The following FAM200B variants were observed in gnomAD, a reference collection of about 807,000 sequenced individuals.
FAM200B encodes zinc finger BED-type containing 11.
Under a neutral mutation model 33.1 loss-of-function variants are expected in FAM200B, and 32 were observed. That is an observed-to-expected ratio of 0.97 (90% CI 0.73 to 1.30). The LOEUF (loss-of-function observed/expected upper bound fraction) is 1.30, where lower values mean the gene tolerates loss of function less well. Among genes scored for constraint, FAM200B ranks in the 50% most tolerant of loss-of-function variants. The probability of loss-of-function intolerance (pLI) is 0.00; values close to 1 mark genes in which losing one functional copy is unlikely to be tolerated. For synonymous variants in FAM200B, 240 were observed against 264.8 expected, an observed-to-expected ratio of 0.91 and a Z score of 0.91; for missense variants, 741 against 754.0, an observed-to-expected ratio of 0.98 and a Z score of 0.20.
the FAM200B span, among the ~76,000 whole-genome samples, chr4:15,675,572 ATTTTTTTT>A: frequency 6.6e-4 from 64 of 96,684 alleles, no homozygotes; most frequent in African/African-American, 2.3e-3. Flanking sequence ...CAAAACTCCT[ATTTTTTTT>A]TTTTTTTTTT....
At chr4:15,643,366 C>A in the FAM200B span, among the ~76,000 whole-genome samples, 1 of 152,216 alleles carries the variant, frequency 6.6e-6, no homozygotes, top group Non-Finnish European at 1.5e-5. Flanking sequence ...TAAGCTTACG[C>A]TTCACCAAGC....
At chr4:15,660,355 T>C in the FAM200B span, among the ~76,000 whole-genome samples, 1 of 152,112 alleles carries the variant, frequency 6.6e-6, no homozygotes, top group Non-Finnish European at 1.5e-5. Flanking sequence ...GCACTGGGAT[T>C]ACAGGCATGA....
chr4:15,650,613 T>C, the FAM200B span, among the ~76,000 whole-genome samples: 1 of 150,452 alleles, frequency 6.6e-6, no homozygotes, highest in African/African-American at 2.4e-5. Flanking sequence ...AATTAACAAA[T>C]AGTAACATGA....
chr4:15,686,544 A>T lies in FAM200B; in HGVS notation c.-434A>T. 6.5e-6 allele frequency: 1 copy of T among 153,616 alleles called. No homozygotes were observed. The highest frequency in any genetic ancestry group is 1.9e-4 in the East Asian group (1 of 5,220). The allele number at this position is 153,616 out of a possible 1,614,324, so 9.5% of individuals were successfully genotyped here. On this transcript the variant is annotated 5_prime_UTR_variant, in exon 2 of 2. Coordinates refer to ENST00000422728, the MANE Select transcript of FAM200B (RefSeq NM_001145191.2). ...GTGAGACCCATTAGTGAGGCATGAA[A>T]TCAATTCTGTGAGTCACAATGAACA...
chr4:15,678,644 G>C (rs1718081992), upstream of FAM200B, among the ~76,000 whole-genome samples: 1 of 152,136 alleles, frequency 6.6e-6, no homozygotes, highest in Admixed American at 6.5e-5. Flanking sequence ...TTCCTAGGTA[G>C]AGCATTAATT....
At chr4:15,685,408 G>C (rs1471490135) in intron 1 of FAM200B, among the ~76,000 whole-genome samples, 1 of 152,194 alleles carries the variant, frequency 6.6e-6, no homozygotes, top group Non-Finnish European at 1.5e-5. Context: ...GGCTTGAACA[G>C]GTTTAAAATT....
chr4:15,654,592 G>C, the FAM200B span, among the ~76,000 whole-genome samples: 7 of 152,356 alleles, frequency 4.6e-5, no homozygotes, highest in South Asian at 1.4e-3. Flanking sequence ...GACACATGAA[G>C]AGTGAAGGTT....
the FAM200B span, chr4:15,659,655 T>G: frequency 6.6e-6 from 5 of 752,744 alleles, no homozygotes; most frequent in East Asian, 6.4e-4. Flanking sequence ...TAGTGGTCCA[T>G]AAAGTTTCCT....
the FAM200B span, chr4:15,641,000 G>A: frequency 1.9e-6 from 1 of 521,090 alleles, no homozygotes; most frequent in East Asian, 3.4e-5. Flanking sequence ...TAGACAAATT[G>A]CAAAGTGGTC....
At chr4:15,650,264 G>C in the FAM200B span, among the ~76,000 whole-genome samples, 1 of 152,312 alleles carries the variant, frequency 6.6e-6, no homozygotes, top group Non-Finnish European at 1.5e-5. Context: ...TGTTGCTCTA[G>C]AAAACTGTTT....
At chr4:15,644,780 C>T in the FAM200B span, 1 of 1,070,334 alleles carries the variant, frequency 9.3e-7, no homozygotes, top group Non-Finnish European at 1.4e-6. Flanking sequence ...TATTCAAATA[C>T]ATCCCTATTC....
chr4:15,664,614 A>G, the FAM200B span, among the ~76,000 whole-genome samples: 1 of 133,816 alleles, frequency 7.5e-6, no homozygotes, highest in Admixed American at 8.7e-5. Flanking sequence ...CTGGAGTGCA[A>G]TGGTACGATC....
the FAM200B span, among the ~76,000 whole-genome samples, chr4:15,665,075 C>G: frequency 6.6e-6 from 1 of 152,164 alleles, no homozygotes; most frequent in Non-Finnish European, 1.5e-5. Context: ...ACTCCCACTA[C>G]AGCTACATTG....
chr4:15,686,183 A>G lies in FAM200B; in HGVS notation c.-742-53A>G, dbSNP rs532125221. The G allele has an allele frequency of 2.0e-5, 3 of 152,276 alleles. No individual in the cohort carries two copies. In the East Asian group the frequency reaches 5.8e-4, roughly 29 times the overall value. 9.4% of individuals were successfully genotyped at this position (152,276 alleles called of 1,614,324 possible). On this transcript the variant is annotated intron_variant, in intron 1 of 1. Coordinates refer to ENST00000422728, the MANE Select transcript of FAM200B (RefSeq NM_001145191.2). The stretch of plus-strand genomic sequence containing the variant: ...ATAAAGGCCCCCATAGCTGGCAGTA[A>G]TACTACTTTGTACTGTGATGCTTTA...
the FAM200B span, chr4:15,641,548 TA>T: frequency 2.2e-6 from 1 of 448,130 alleles, no homozygotes; most frequent in Non-Finnish European, 4.5e-6. Context: ...CCAGTATATA[TA>T]TTTTACATAT....
rs1719029204 is a variant in FAM200B, at chr4:15,687,836, A to C, written c.859A>C (p.Asn287His). ...GCGCATAGTTGGCCAATATAAATTA[A>C]ACTGGAAAAACTGTAAAGGAATTAC... is the stretch of plus-strand genomic sequence containing the variant. ...ERRIVGQYKL[N>H]WKNCKGITSD... The change falls in exon 2 of 2, where the codon AAC becomes CAC. Residue 287 changes from asparagine (N) to histidine (H), a missense_variant. Coordinates refer to ENST00000422728, the MANE Select transcript of FAM200B (RefSeq NM_001145191.2). 6 of 1,551,306 alleles carry C rather than the reference A, an allele frequency of 3.9e-6. 1 individual carries two copies. The East Asian group carries it at 1.5e-4, about 38-fold the overall frequency.
the FAM200B span, among the ~76,000 whole-genome samples, chr4:15,674,368 G>A: frequency 6.6e-6 from 1 of 151,758 alleles, no homozygotes; most frequent in South Asian, 2.1e-4. Context: ...CACTGTACTG[G>A]GTATGTGAGA....
the FAM200B span, among the ~76,000 whole-genome samples, chr4:15,663,989 T>C: frequency 2.0e-5 from 3 of 152,316 alleles, no homozygotes; most frequent in South Asian, 4.1e-4. Flanking sequence ...GTAGGCACTC[T>C]TATCCTGATT....
At position 15,688,442 on chromosome 4, in the gene FAM200B, C is replaced by T. The variant is rs1339088353; in HGVS notation, c.1465C>T (p.Gln489Ter). ...CTATTACATGTTTCCAAGATTTTTG[C>T]AGCATATTGAAGAGAATATTATTAA... ...PSYYMFPRFL[Q>*]HIEENIINEN... is the part of the protein sequence containing the mutation. Residue 489 changes from glutamine to a stop codon, truncating the protein, a stop_gained, in exon 2 of 2, where the codon CAG (glutamine) becomes TAG (stop). Coordinates refer to ENST00000422728, the MANE Select transcript of FAM200B (RefSeq NM_001145191.2). LOFTEE classifies it high-confidence loss of function. 1 of 1,543,280 alleles carries T rather than the reference C, an allele frequency of 6.5e-7. No individual in the cohort carries two copies. The highest frequency in any genetic ancestry group is 1.7e-4 in the Middle Eastern group (1 of 5,946).
Sources: gnomAD v4.1 joint callset for allele counts (sites outside exome capture counted in the v4.1 genomes callset) on GRCh38, gnomAD v4.1.1 for gene constraint, MANE v1.5 for transcripts, NCBI Gene and HGNC (gene_info 2026-07-23, HGNC 2026-07-21) for gene names.